Variants in TOX2 observed in about 807,000 individuals in gnomAD.
TOX2 encodes the protein granulosa cell HMG box 1.
TOX2 carries 15 observed loss-of-function variants against 47.4 expected under a neutral mutation model. That is an observed-to-expected ratio of 0.32 (90% confidence interval 0.21 to 0.49). TOX2 has a LOEUF of 0.49. Ranked by LOEUF, TOX2 falls within the 20% of genes least tolerant of loss-of-function variation. The pLI is 0.99. For synonymous variants in TOX2, 290 were observed against 296.6 expected (o/e 0.98, Z 0.23); for missense variants, 622 against 673.1 (o/e 0.92, Z 0.84).
chr20:43,950,352 C>CG (rs2069541062), intron 1 of TOX2, among the ~76,000 whole-genome samples: 1 of 152,220 alleles, frequency 6.6e-6, no homozygotes, highest in Non-Finnish European at 1.5e-5. Context: ...CGCCTGCCCT[C>CG]GCTGGCTCCC....
At chr20:43,961,548 G>T (rs1174239294) in intron 1 of TOX2, among the ~76,000 whole-genome samples, 1 of 148,206 alleles carries the variant, frequency 6.7e-6, no homozygotes, top group Non-Finnish European at 1.5e-5. Flanking sequence ...AATGGTTGTG[G>T]AATAAATGAG....
intron 4 of TOX2, among the ~76,000 whole-genome samples, chr20:44,051,813 G>A (rs2071517921): frequency 6.6e-6 from 1 of 152,356 alleles, no homozygotes; most frequent in Non-Finnish European, 1.5e-5. Context: ...CTGGTCAGGG[G>A]GGATGGCACC....
intron 5 of TOX2, among the ~76,000 whole-genome samples, chr20:44,061,761 G>A (rs962698367): frequency 6.6e-6 from 1 of 152,096 alleles, no homozygotes; most frequent in Non-Finnish European, 1.5e-5. Flanking sequence ...TGAATCCAAT[G>A]TTGTATCAGA....
chr20:43,971,595 A>G (rs889067255), intron 1 of TOX2, among the ~76,000 whole-genome samples: 1 of 152,268 alleles, frequency 6.6e-6, no homozygotes, highest in African/African-American at 2.4e-5. Flanking sequence ...GCAATTACAC[A>G]AATGAATCCT....
intron 2 of TOX2, among the ~76,000 whole-genome samples, chr20:43,998,974 C>A (rs1016741390): frequency 2.0e-5 from 3 of 152,092 alleles, no homozygotes; most frequent in Admixed American, 2.0e-4. Flanking sequence ...TGGCCAGGCT[C>A]ATCTTGGACT....
At chr20:44,064,885 C>T (rs749126127) in intron 6 of TOX2, 28 bp downstream of exon 6, 2 of 1,609,922 alleles carry the variant, frequency 1.2e-6, no homozygotes, top group South Asian at 2.2e-5. Context: ...CAGGCACAGC[C>T]CTGATCAGAG....
chr20:43,980,502 G>A (rs2145501907), intron 2 of TOX2, among the ~76,000 whole-genome samples: 1 of 152,322 alleles, frequency 6.6e-6, no homozygotes, highest in East Asian at 1.9e-4. Flanking sequence ...AACTGAAAGA[G>A]TATAATTGGG....
intron 3 of TOX2, among the ~76,000 whole-genome samples, chr20:44,011,707 C>A (rs576582500): frequency 8.5e-5 from 13 of 152,328 alleles, no homozygotes; most frequent in African/African-American, 3.1e-4. Context: ...GCGTTGTCTG[C>A]ACAGATCGAG....
chr20:44,036,095 G>C (rs931454221), intron 3 of TOX2, among the ~76,000 whole-genome samples: 1 of 152,260 alleles, frequency 6.6e-6, no homozygotes, highest in Admixed American at 6.5e-5. Flanking sequence ...AATTCCTGGA[G>C]AGGGTTGCAG....
intron 4 of TOX2, among the ~76,000 whole-genome samples, chr20:44,053,595 C>T: frequency 9.5e-6 from 1 of 104,876 alleles, no homozygotes; most frequent in South Asian, 3.2e-4. Context: ...TATATATACA[C>T]ACACATATAT....
chr20:43,953,467 C>T (rs1358814488), intron 1 of TOX2, among the ~76,000 whole-genome samples: 2 of 152,150 alleles, frequency 1.3e-5, no homozygotes, highest in South Asian at 2.1e-4. Context: ...ACTCCCAACC[C>T]GCATGCTCCA....
rs559426805 is a variant in TOX2, at chr20:43,920,416, C to T, written c.99+5426C>T. Among the ~76,000 whole-genome samples the T allele has an allele frequency of 2.6e-5, 4 of 152,324 alleles. No homozygotes were observed. The South Asian group carries it at 8.3e-4, about 32-fold the overall frequency. On this transcript the variant is annotated intron_variant, in intron 1 of 8. Coordinates refer to ENST00000341197, the MANE Select transcript of TOX2 (RefSeq NM_001098797.2). ...TTGGTGGGTGAGATTCCCACAGCTC[C>T]TTTCTTCAGGGGCACAGGTGGCTGC...
At chr20:44,037,651 G>A (rs2145708398) in intron 3 of TOX2, among the ~76,000 whole-genome samples, 1 of 152,208 alleles carries the variant, frequency 6.6e-6, no homozygotes, top group South Asian at 2.1e-4. Context: ...CTGGGGTGTA[G>A]TGAGCCCTCA....
intron 3 of TOX2, among the ~76,000 whole-genome samples, chr20:44,029,316 A>C (rs1047645028): frequency 5.3e-5 from 8 of 152,108 alleles, no homozygotes; most frequent in African/African-American, 1.9e-4. Flanking sequence ...CAAGCACCAT[A>C]CCCTTTCAGG....
intron 3 of TOX2, among the ~76,000 whole-genome samples, chr20:44,035,843 C>T (rs527967303): frequency 4.6e-5 from 7 of 152,334 alleles, no homozygotes; most frequent in African/African-American, 1.4e-4. Flanking sequence ...GGAGCACTCT[C>T]AGGAACGTCA....
At chr20:44,000,961 G>A (rs975349855) in intron 2 of TOX2, among the ~76,000 whole-genome samples, 2 of 152,136 alleles carry the variant, frequency 1.3e-5, no homozygotes, top group African/African-American at 4.8e-5. Flanking sequence ...GAAGATGGAG[G>A]TCATTGATGA....
chr20:44,054,567 GTGGTCC>G (rs2071584505), intron 5 of TOX2, 41 bp downstream of exon 5: 1 of 1,588,090 alleles, frequency 6.3e-7, no homozygotes, highest in Admixed American at 1.8e-5. Context: ...CTGAGGCTTT[GTGGTCC>G]TGGAACCAAG....
chr20:44,040,744 C>T (rs892843235), intron 3 of TOX2, among the ~76,000 whole-genome samples: 4 of 152,130 alleles, frequency 2.6e-5, no homozygotes, highest in Non-Finnish European at 5.9e-5. Flanking sequence ...CTGATTACAA[C>T]GGTATGGGTA....
At chr20:43,934,798 T>TTGTGTGTG (rs148972789) in intron 1 of TOX2, among the ~76,000 whole-genome samples, 74,376 of 147,652 alleles carry the variant, frequency 0.5, 21,116 homozygotes, top group Non-Finnish European at 0.63. Context: ...GTGTGTGTGT[T>TTGTGTGTG]TGTGTGTGTG....
Sources: allele counts gnomAD v4.1 joint callset (sites outside exome capture counted in the v4.1 genomes callset), GRCh38; gene constraint gnomAD v4.1.1; transcripts MANE v1.5; gene names NCBI Gene and HGNC (gene_info 2026-07-23, HGNC 2026-07-21).